TTC7B: variants seen among roughly 807,000 people sequenced by gnomAD.
TTC7B encodes tetratricopeptide repeat protein 7B.
Under a neutral mutation model 106.8 loss-of-function variants are expected in TTC7B, and 28 were observed. That is an observed-to-expected ratio of 0.26 (90% CI 0.19 to 0.36). The LOEUF (loss-of-function observed/expected upper bound fraction) is 0.36. Among genes scored for constraint, TTC7B ranks in the 10% least tolerant of loss-of-function variants. The probability of loss-of-function intolerance (pLI) is 1.00; values close to 1 mark genes in which losing one functional copy is unlikely to be tolerated. For synonymous variants in TTC7B, 405 were observed against 430.6 expected (o/e 0.94, Z 0.74); for missense variants, 862 against 1,076.4 (o/e 0.80, Z 2.79).
chr14:90,773,981 TAA>T (rs1446787906), intron 3 of TTC7B, among the ~76,000 whole-genome samples: 2 of 151,926 alleles, frequency 1.3e-5, no homozygotes, highest in African/African-American at 4.8e-5. Flanking sequence ...AAGAAAAAAA[TAA>T]AGAGCCCTGG....
intron 3 of TTC7B, among the ~76,000 whole-genome samples, chr14:90,751,306 A>G (rs565508723): frequency 1.4e-4 from 21 of 152,344 alleles, no homozygotes; most frequent in African/African-American, 5.0e-4. Context: ...ATGAATTGCC[A>G]CGCAACCCAA....
At chr14:90,655,235 C>A in intron 11 of TTC7B, 125 bp from the exon 12 acceptor site, 1 of 703,274 alleles carries the variant, frequency 1.4e-6, no homozygotes, top group East Asian at 2.6e-5. Flanking sequence ...TCAAATCTCC[C>A]AATCCCACTC....
intron 3 of TTC7B, among the ~76,000 whole-genome samples, chr14:90,756,150 G>A (rs1890286252): frequency 6.6e-6 from 1 of 152,110 alleles, no homozygotes; most frequent in East Asian, 1.9e-4. Context: ...ATGAGTAAGT[G>A]TAGCCTCTGA....
intron 5 of TTC7B, among the ~76,000 whole-genome samples, chr14:90,708,157 A>AAAAAAAAAAAAAAG: frequency 6.6e-6 from 1 of 151,498 alleles, no homozygotes; most frequent in African/African-American, 2.4e-5. Context: ...AAAAAAAAAA[A>AAAAAAAAAAAAAAG]AAAAAAAAAA....
At chr14:90,714,136 A>T (rs1033286969) in intron 5 of TTC7B, among the ~76,000 whole-genome samples, 1 of 152,182 alleles carries the variant, frequency 6.6e-6, no homozygotes, top group African/African-American at 2.4e-5. Context: ...AGGCTGAAGC[A>T]GGAGAATCAC....
chr14:90,801,308 A>G (rs1485851301), intron 1 of TTC7B, among the ~76,000 whole-genome samples: 2 of 151,564 alleles, frequency 1.3e-5, no homozygotes, highest in African/African-American at 4.8e-5. Flanking sequence ...GGTCCTCCCC[A>G]AGAGTCCCCG....
intron 9 of TTC7B, among the ~76,000 whole-genome samples, chr14:90,660,344 C>T (rs1426255781): frequency 1.6e-5 from 2 of 125,506 alleles, no homozygotes; most frequent in Admixed American, 9.9e-5. Flanking sequence ...GAGCTGTGAT[C>T]GTCGTACCAC....
At chr14:90,560,762 G>T (rs1051339878) in intron 19 of TTC7B, among the ~76,000 whole-genome samples, 1 of 152,208 alleles carries the variant, frequency 6.6e-6, no homozygotes, top group African/African-American at 2.4e-5. Context: ...ATACTTGCTG[G>T]TGGGTGTGTG....
At chr14:90,619,653 T>C (rs567025530) in intron 15 of TTC7B, among the ~76,000 whole-genome samples, 1 of 152,318 alleles carries the variant, frequency 6.6e-6, no homozygotes, top group East Asian at 1.9e-4. Context: ...ACGCTGTCAA[T>C]GTCCTTGGAA....
intron 5 of TTC7B, among the ~76,000 whole-genome samples, chr14:90,713,016 C>T (rs141767521): frequency 3.4e-3 from 517 of 152,150 alleles, no homozygotes; most frequent in African/African-American, 0.012. Flanking sequence ...TGCAATCCAA[C>T]GTGAAAAGAA....
intron 4 of TTC7B, among the ~76,000 whole-genome samples, chr14:90,739,604 A>T (rs995094824): frequency 1.3e-5 from 2 of 152,368 alleles, no homozygotes; most frequent in South Asian, 2.1e-4. Context: ...GCACTGTAAT[A>T]TTTGGGGACC....
Position 90,657,363 on chromosome 14 carries a change from A to C in TTC7B, c.1237-85T>G. On this transcript the variant is annotated intron_variant, in intron 10 of 19. Coordinates refer to ENST00000328459, the MANE Select transcript of TTC7B (RefSeq NM_001010854.2). This position sits in a 1 kb window ranked among gnomAD's most constrained non-coding sequence, Gnocchi z 4.2. ...AGCCTTCTCAGAGGGGTTTTTGGTC[A>C]GGGTGACCTCCTCGTGGGCTTGTCC... The C allele has an allele frequency of 7.4e-7, 1 of 1,346,708 alleles. No individual in the cohort carries two copies. Among genetic ancestry groups the C allele is most frequent in the Non-Finnish European group, 1.0e-6 (1 of 973,372 alleles). 83.4% of individuals were successfully genotyped at this position (1,346,708 alleles called of 1,614,324 possible).
At chr14:90,634,571 A>G (rs1884849679) in intron 15 of TTC7B, among the ~76,000 whole-genome samples, 2 of 152,148 alleles carry the variant, frequency 1.3e-5, no homozygotes, top group South Asian at 4.1e-4. Context: ...CAGGAGTTCA[A>G]GACCAGCCCG....
chr14:90,546,807 G>A (rs1013820837), intron 19 of TTC7B, among the ~76,000 whole-genome samples: 3 of 152,224 alleles, frequency 2.0e-5, no homozygotes, highest in Non-Finnish European at 4.4e-5. Context: ...GCGCAGGCCT[G>A]CTCTCAAAGA....
chr14:90,814,324 C>T (rs2031061301), intron 1 of TTC7B, among the ~76,000 whole-genome samples: 1 of 152,218 alleles, frequency 6.6e-6, no homozygotes, highest in Admixed American at 6.5e-5. Flanking sequence ...TTGAGTCCCC[C>T]TTCATCTGCC....
intron 4 of TTC7B, among the ~76,000 whole-genome samples, chr14:90,736,945 T>C (rs1469952420): frequency 7.3e-6 from 1 of 136,388 alleles, no homozygotes; most frequent in Non-Finnish European, 1.6e-5. Flanking sequence ...CACATACATA[T>C]ATATGGAAAA....
At chr14:90,747,106 T>C (rs1342638401) in intron 3 of TTC7B, among the ~76,000 whole-genome samples, 1 of 152,212 alleles carries the variant, frequency 6.6e-6, no homozygotes, top group Non-Finnish European at 1.5e-5. Context: ...CCATGCTATA[T>C]CAGTCTGATC....
At chr14:90,623,039 C>T (rs899013833) in intron 15 of TTC7B, among the ~76,000 whole-genome samples, 1 of 152,142 alleles carries the variant, frequency 6.6e-6, no homozygotes, top group African/African-American at 2.4e-5. Context: ...AATATTCTTT[C>T]CATCCATTTC....
chr14:90,703,809 A>G (rs891289419), intron 5 of TTC7B, among the ~76,000 whole-genome samples: 8 of 152,214 alleles, frequency 5.3e-5, no homozygotes, highest in Admixed American at 2.0e-4. Flanking sequence ...GGGGAAACAA[A>G]GCAGTGCTGC....
Sources: gnomAD v4.1 joint callset for allele counts (sites outside exome capture counted in the v4.1 genomes callset) on GRCh38, gnomAD v4.1.1 for gene constraint, Gnocchi (gnomAD v3.1) non-coding constraint, MANE v1.5 for transcripts, NCBI Gene and HGNC (gene_info 2026-07-23, HGNC 2026-07-21) for gene names.